Variants in CEP128 observed in about 807,000 individuals in gnomAD.
CEP128 encodes the protein centrosomal protein 128kDa.
Under a neutral mutation model 156.7 loss-of-function variants are expected in CEP128, and 132 were observed. That is an observed-to-expected ratio of 0.84 (90% CI 0.73 to 0.97). The LOEUF is 0.97. Ranked by LOEUF, CEP128 falls within the 50% of genes least tolerant of loss-of-function variation. The pLI, the probability that CEP128 is intolerant of heterozygous loss-of-function variation, is 0.00. For missense variants in CEP128, 1,252 were observed against 1,281.9 expected (o/e 0.98, Z 0.36); for synonymous variants, 469 against 448.9 (o/e 1.04, Z -0.57).
chr14:80,806,622 T>A (rs1884190172), intron 13 of CEP128, among the ~76,000 whole-genome samples: 1 of 152,170 alleles, frequency 6.6e-6, no homozygotes, highest in Admixed American at 6.5e-5. Flanking sequence ...AGGATAAAAC[T>A]CTTCTGCTTA....
intron 2 of CEP128, chr14:80,955,584 G>T: frequency 7.0e-7 from 1 of 1,429,254 alleles, no homozygotes; most frequent in Admixed American, 1.7e-5. Context: ...CACCCCTCCC[G>T]CTCCCGGGTC....
chr14:80,515,748 C>T (rs982498869), intron 23 of CEP128, among the ~76,000 whole-genome samples: 1 of 152,168 alleles, frequency 6.6e-6, no homozygotes, highest in Non-Finnish European at 1.5e-5. Flanking sequence ...CTTTCCTTTC[C>T]TCAAGCAGGA....
chr14:80,609,412 A>G (rs149891711), intron 19 of CEP128, among the ~76,000 whole-genome samples: 2 of 152,286 alleles, frequency 1.3e-5, no homozygotes, highest in African/African-American at 4.8e-5. Flanking sequence ...TATATAAGGA[A>G]TTTTATATTA....
chr14:80,930,594 G>A (rs1594860004), intron 2 of CEP128, among the ~76,000 whole-genome samples: 2 of 152,154 alleles, frequency 1.3e-5, no homozygotes, highest in East Asian at 1.9e-4. Flanking sequence ...ATTGCAACAG[G>A]TGATTCGCCT....
intron 4 of CEP128, among the ~76,000 whole-genome samples, chr14:80,908,187 G>A (rs1010730805): frequency 2.7e-5 from 4 of 150,626 alleles, no homozygotes; most frequent in African/African-American, 4.9e-5. Flanking sequence ...TCCCATTTCC[G>A]ACCCACAGAG....
At chr14:80,811,206 G>C (rs915104861) in intron 13 of CEP128, among the ~76,000 whole-genome samples, 6 of 152,232 alleles carry the variant, frequency 3.9e-5, no homozygotes, top group African/African-American at 1.4e-4. Context: ...CATTTGGGTT[G>C]ATTCCATGTC....
chr14:80,548,551 G>C (rs1249539117), intron 21 of CEP128, among the ~76,000 whole-genome samples: 1 of 152,084 alleles, frequency 6.6e-6, no homozygotes, highest in Non-Finnish European at 1.5e-5. Context: ...AGAGCAGAAA[G>C]CATTTCTTAC....
At chr14:80,555,963 G>C (rs962790956) in intron 21 of CEP128, among the ~76,000 whole-genome samples, 1 of 151,946 alleles carries the variant, frequency 6.6e-6, no homozygotes, top group South Asian at 2.1e-4. Context: ...TACTCAAATA[G>C]AGTACAAATT....
At chr14:80,634,514 T>G (rs530133024) in intron 19 of CEP128, among the ~76,000 whole-genome samples, 1 of 152,226 alleles carries the variant, frequency 6.6e-6, no homozygotes, top group African/African-American at 2.4e-5. Flanking sequence ...GAATATATTT[T>G]TCAATATTTT....
chr14:80,952,880 A>G (rs1886495121), intron 2 of CEP128, among the ~76,000 whole-genome samples: 1 of 152,222 alleles, frequency 6.6e-6, no homozygotes, highest in Non-Finnish European at 1.5e-5. Context: ...ACTCATGCCA[A>G]TAAATTCAAC....
chr14:80,894,565 C>A (rs776131985), intron 8 of CEP128: 21 of 443,486 alleles, frequency 4.7e-5, no homozygotes, highest in Non-Finnish European at 8.9e-5. Flanking sequence ...AAAAATATAT[C>A]TTGATATTCC....
At chr14:80,953,650 G>T (rs1436610379) in intron 2 of CEP128, among the ~76,000 whole-genome samples, 5 of 152,188 alleles carry the variant, frequency 3.3e-5, no homozygotes, top group Admixed American at 2.0e-4. Context: ...GCAATTCAAG[G>T]TGGGTTTAAC....
chr14:80,816,936 C>T (rs1230456463), intron 13 of CEP128, among the ~76,000 whole-genome samples: 1 of 146,526 alleles, frequency 6.8e-6, no homozygotes, highest in Non-Finnish European at 1.5e-5. Context: ...GACTATGGCA[C>T]AATGTATGTG....
intron 19 of CEP128, among the ~76,000 whole-genome samples, chr14:80,648,657 A>C (rs1300153208): frequency 6.6e-6 from 1 of 152,134 alleles, no homozygotes; most frequent in Admixed American, 6.6e-5. Context: ...TAAACTTCTG[A>C]AACTGTGAAG....
rs1884564530 is a variant in CEP128, at chr14:80,811,818, T to TTAGGTAGATAGATAGA, written c.1210-18709_1210-18708insTCTATCTATCTACCTA. The stretch of plus-strand genomic sequence containing the variant: ...GTGTGTGTGTGTGCACACGCATGTA[T>TTAGGTAGATAGATAGA]TAGATAGATAGATAGATAGATAGAT... On this transcript the variant is annotated intron_variant, in intron 13 of 24. Coordinates refer to ENST00000555265, the MANE Select transcript of CEP128 (RefSeq NM_152446.5). 4.0e-5 allele frequency among the ~76,000 whole-genome samples: 6 copies of TTAGGTAGATAGATAGA among 149,632 alleles called. No homozygotes were observed. The South Asian group carries it at 1.1e-3, about 27-fold the overall frequency.
intron 19 of CEP128, among the ~76,000 whole-genome samples, chr14:80,629,622 C>G (rs199935554): frequency 7.9e-6 from 1 of 127,048 alleles, no homozygotes; most frequent in African/African-American, 3.8e-5. Context: ...CAAAGTAAAG[C>G]CTTTTTAAAT....
chr14:80,735,451 A>G (rs1419915490), intron 19 of CEP128, among the ~76,000 whole-genome samples: 2 of 152,204 alleles, frequency 1.3e-5, no homozygotes, highest in Admixed American at 1.3e-4. Flanking sequence ...AGTAAAAGTA[A>G]TTTATGAATA....
At chr14:80,799,273 C>A (rs987960076) in intron 13 of CEP128, among the ~76,000 whole-genome samples, 2 of 152,158 alleles carry the variant, frequency 1.3e-5, no homozygotes, top group South Asian at 2.1e-4. Flanking sequence ...TTTATCAGTT[C>A]CCAAATAGTA....
At chr14:80,769,501 G>A (rs1485991853) in intron 16 of CEP128, among the ~76,000 whole-genome samples, 3 of 151,944 alleles carry the variant, frequency 2.0e-5, no homozygotes, top group Non-Finnish European at 4.4e-5. Context: ...GTGAGAACAT[G>A]CGGTGTTTGA....
Sources: allele counts gnomAD v4.1 joint callset (sites outside exome capture counted in the v4.1 genomes callset), GRCh38; gene constraint gnomAD v4.1.1; transcripts MANE v1.5; gene names NCBI Gene and HGNC (gene_info 2026-07-23, HGNC 2026-07-21).